AFF2: variants seen among roughly 807,000 people sequenced by gnomAD.
AFF2 encodes AF4/FMR2 family member 2.
AFF2 carries 14 observed loss-of-function variants against 76.9 expected under a neutral mutation model. That is an observed-to-expected ratio of 0.18 (90% CI 0.12 to 0.28). The LOEUF is 0.28. AFF2 is among the 10% of genes least tolerant of loss of function. The pLI is 1.00. For missense variants in AFF2, 868 were observed against 1,001.1 expected, an observed-to-expected ratio of 0.87 and a Z score of 1.79; for synonymous variants, 398 against 366.7, an observed-to-expected ratio of 1.09 and a Z score of -0.98.
At chrX:148,502,372 G>A (rs1466112399) in intron 1 of AFF2, among the ~76,000 whole-genome samples, 1 of 112,034 alleles carries the variant, frequency 8.9e-6, no homozygotes, top group Non-Finnish European at 1.9e-5. Flanking sequence ...TTTAAAAAAG[G>A]GTCATATGCT....
chrX:148,608,330 C>T (rs1244201181), intron 1 of AFF2, among the ~76,000 whole-genome samples: 1 of 110,978 alleles, frequency 9.0e-6, no homozygotes, highest in Non-Finnish European at 1.9e-5. Context: ...CGTAACTATA[C>T]AGTACTTCCA....
At chrX:148,916,189 G>GT (rs1446612837) in intron 9 of AFF2, among the ~76,000 whole-genome samples, 1 of 86,582 alleles carries the variant, frequency 1.2e-5, no homozygotes, top group Non-Finnish European at 2.1e-5. Context: ...TTTGAATGTG[G>GT]TTTTAACTTT....
At chrX:148,533,386 G>A (rs1369619206) in intron 1 of AFF2, among the ~76,000 whole-genome samples, 4 of 109,771 alleles carry the variant, frequency 3.6e-5, no homozygotes, top group South Asian at 4.0e-4. Context: ...TGTGACTCCC[G>A]GGTTCACGAC....
At chrX:148,597,002 A>G (rs1902415321) in intron 1 of AFF2, among the ~76,000 whole-genome samples, 1 of 111,782 alleles carries the variant, frequency 8.9e-6, no homozygotes, top group South Asian at 3.7e-4. Context: ...GGGTTACTAT[A>G]GCTAGGCTCT....
At chrX:148,523,533 T>G (rs1049156653) in intron 1 of AFF2, among the ~76,000 whole-genome samples, 1 of 112,340 alleles carries the variant, frequency 8.9e-6, no homozygotes, top group Non-Finnish European at 1.9e-5. Context: ...TATACCGTGT[T>G]GTTCAAATGA....
At chrX:148,833,439 A>G (rs992107540) in intron 4 of AFF2, among the ~76,000 whole-genome samples, 3 of 109,237 alleles carry the variant, frequency 2.7e-5, no homozygotes, top group Non-Finnish European at 5.7e-5. Context: ...TGTCTCTACT[A>G]AAAAATACAA....
chrX:148,747,228 C>G (rs1557266140), intron 3 of AFF2, among the ~76,000 whole-genome samples: 1 of 111,144 alleles, frequency 9.0e-6, no homozygotes, highest in Non-Finnish European at 1.9e-5. Context: ...CTTCATGTCC[C>G]CTCTCAGAGC....
At position 148,662,001 on chromosome X, in the gene AFF2, A is replaced by C; in HGVS notation, c.274A>C (p.Asn92His). The C allele has an allele frequency of 8.3e-7, 1 of 1,210,228 alleles. No individual in the cohort carries two copies. Residue 92 changes from asparagine to histidine, a missense_variant, in exon 3 of 21, where the codon AAT becomes CAT. Physicochemically the swap from Asn to His is moderately conservative, Grantham distance 68. Coordinates refer to ENST00000370460, the MANE Select transcript of AFF2 (RefSeq NM_002025.4). ...TTTGCTAACTAACCATTCTAATCAG[A>C]ATCACCTAGTGGGAATTCCAAAGAA... ...KNLLTNHSNQNHLVGIPKNSV... is the reference protein window; with the variant it reads ...KNLLTNHSNQHHLVGIPKNSV...
chrX:148,842,270 C>T (rs1289701104), intron 5 of AFF2, among the ~76,000 whole-genome samples: 2 of 112,357 alleles, frequency 1.8e-5, no homozygotes, highest in African/African-American at 6.5e-5. Flanking sequence ...TGCCACACTC[C>T]AAGCAAGGCA....
chrX:148,780,146 G>T (rs1218744736), intron 3 of AFF2, among the ~76,000 whole-genome samples: 1 of 112,264 alleles, frequency 8.9e-6, no homozygotes, highest in Non-Finnish European at 1.9e-5. Context: ...CCCTTTGTGG[G>T]TAACCCAACC....
In AFF2 at chrX:148,843,422, G is replaced by T; in HGVS notation, c.1251G>T (p.Val417=). ...CCACCAGAGCTTCTACAAAGTCAGT[G>T]TCTTTCAAATCGTGAGTAGTTGGAT... The part of the protein sequence containing the change: ...DPTTRASTKS[V]SFKSMLEDDL... Residue 417 remains valine, a synonymous_variant, in exon 7 of 21, where the codon GTG becomes GTT. Transcript: ENST00000370460. 1.7e-6 allele frequency: 2 copies of T among 1,209,275 alleles called. No homozygotes were observed. Among genetic ancestry groups the T allele is most frequent in the East Asian group, 5.9e-5 (2 of 33,765 alleles).
chrX:148,604,646 TA>T (rs2053657365), intron 1 of AFF2, among the ~76,000 whole-genome samples: 1 of 112,596 alleles, frequency 8.9e-6, no homozygotes, highest in East Asian at 2.8e-4. Context: ...GAGATGCATT[TA>T]AAGCAAAGAT....
In AFF2 at chrX:148,517,395, A is replaced by G. The variant is rs147097400; in HGVS notation, c.47+16251A>G. ...CAAAACCACAGCAAATCCAATTTCAATGAAAGGGCTTGAGTCATCTGTCAT... is the reference window on the plus strand; with the variant it reads ...CAAAACCACAGCAAATCCAATTTCAGTGAAAGGGCTTGAGTCATCTGTCAT... On this transcript the variant is annotated intron_variant, in intron 1 of 20. Transcript: ENST00000370460. Among the ~76,000 whole-genome samples, 838 of 111,943 alleles carry G rather than the reference A, an allele frequency of 7.5e-3. 1 individual carries two copies. Among genetic ancestry groups the G allele is most frequent in the Non-Finnish European group, 0.012 (654 of 53,153 alleles).
intron 1 of AFF2, among the ~76,000 whole-genome samples, chrX:148,596,938 A>T (rs1471022947): frequency 9.0e-6 from 1 of 111,649 alleles, no homozygotes; most frequent in African/African-American, 3.3e-5. Flanking sequence ...CTAAGGAACA[A>T]CTCAATGGAC....
At chrX:148,821,042 T>G (rs1429219965) in intron 4 of AFF2, among the ~76,000 whole-genome samples, 1 of 110,735 alleles carries the variant, frequency 9.0e-6, no homozygotes, top group Non-Finnish European at 1.9e-5. Context: ...AATCCAACTT[T>G]TGAGGGGCAC....
intron 1 of AFF2, among the ~76,000 whole-genome samples, chrX:148,606,624 A>G (rs1557248827): frequency 8.9e-6 from 1 of 111,865 alleles, no homozygotes. Context: ...TAGCATGTGA[A>G]TGCTATATGC....
chrX:148,762,409 G>GTATATATATATATA lies in AFF2; in HGVS notation c.1042-47455_1042-47454insTATATATATATATA, dbSNP rs372864201. 4.5e-3 allele frequency among the ~76,000 whole-genome samples: 389 copies of GTATATATATATATA among 86,659 alleles called. 3 individuals are homozygous for GTATATATATATATA. Among genetic ancestry groups the GTATATATATATATA allele is most frequent in the Admixed American group, 6.7e-3 (58 of 8,643 alleles). The allele number at this position is 86,659 out of a possible 115,157, so 75.3% of individuals were successfully genotyped here. A position where few individuals can be genotyped will look rare whatever the true frequency, so the allele number is the denominator to read the frequency against. The stretch of plus-strand genomic sequence containing the variant: ...TTTTATGGCTGAGTAGTATTCTATG[G>GTATATATATATATA]TATATATATATACACATGCACACAT... On this transcript the variant is annotated intron_variant, in intron 3 of 20. Coordinates refer to ENST00000370460, the MANE Select transcript of AFF2 (RefSeq NM_002025.4).
chrX:148,571,338 T>C (rs1006681188), intron 1 of AFF2, among the ~76,000 whole-genome samples: 1 of 111,644 alleles, frequency 9.0e-6, no homozygotes, highest in Non-Finnish European at 1.9e-5. Flanking sequence ...AGCTGCAGCA[T>C]TGCTTTCCAA....
chrX:148,565,146 G>A (rs1372177870), intron 1 of AFF2, among the ~76,000 whole-genome samples: 4 of 111,970 alleles, frequency 3.6e-5, no homozygotes, highest in African/African-American at 1.3e-4. Flanking sequence ...ACTGGCAGTA[G>A]TTGGCTTTGT....
Sources: gnomAD v4.1 joint callset for allele counts (sites outside exome capture counted in the v4.1 genomes callset) on GRCh38, gnomAD v4.1.1 for gene constraint, MANE v1.5 for transcripts, NCBI Gene and HGNC (gene_info 2026-07-23, HGNC 2026-07-21) for gene names.